SPTA1: variants seen among roughly 807,000 people sequenced by gnomAD.
The protein encoded by SPTA1 is spectrin alpha chain, erythrocytic 1.
In SPTA1, 177 loss-of-function variants were observed where a neutral mutation model predicts 324.7. The observed-to-expected ratio is 0.55, with a 90% CI of 0.48 to 0.62. The LOEUF is 0.62. Ranked by LOEUF, SPTA1 falls within the 20% of genes least tolerant of loss-of-function variation. The pLI is 0.00. For synonymous variants in SPTA1, 1,195 were observed against 1,041.3 expected, an observed-to-expected ratio of 1.15 and a Z score of -2.84; for missense variants, 3,162 against 2,883.6, an observed-to-expected ratio of 1.10 and a Z score of -2.21.
chr1:158,614,055 AT>A (rs377489255), intron 49 of SPTA1, among the ~76,000 whole-genome samples, 188 bp from the exon 50 acceptor site: 5 of 152,208 alleles, frequency 3.3e-5, no homozygotes, highest in African/African-American at 1.2e-4. Flanking sequence ...AGAGAAAAGC[AT>A]AAAACATTGA....
chr1:158,639,504 G>T, intron 35 of SPTA1, 78 bp downstream of exon 35: 2 of 1,439,534 alleles, frequency 1.4e-6, no homozygotes, highest in Non-Finnish European at 2.0e-6. Context: ...GTTTTCAAAT[G>T]GTCTCCTAAC....
intron 5 of SPTA1, among the ~76,000 whole-genome samples, chr1:158,679,873 A>G (rs956752200): frequency 5.3e-5 from 8 of 152,122 alleles, no homozygotes; most frequent in Non-Finnish European, 1.0e-4. Context: ...AAATAGGAAA[A>G]CATAGGTTAT....
At chr1:158,648,303 A>C (rs1652148055) in intron 26 of SPTA1, among the ~76,000 whole-genome samples, 1 of 152,166 alleles carries the variant, frequency 6.6e-6, no homozygotes, top group Non-Finnish European at 1.5e-5. Flanking sequence ...CAGGAGTTTA[A>C]CAAGTTTTTT....
At chr1:158,666,047 G>A (rs1212368931) in intron 16 of SPTA1, among the ~76,000 whole-genome samples, 1 of 152,044 alleles carries the variant, frequency 6.6e-6, no homozygotes, top group Non-Finnish European at 1.5e-5. Flanking sequence ...TAGATTGGAG[G>A]AGATTTTGGG....
intron 38 of SPTA1, among the ~76,000 whole-genome samples, chr1:158,635,556 C>T (rs746011055): frequency 6.6e-6 from 1 of 152,110 alleles, no homozygotes; most frequent in Admixed American, 6.6e-5. Context: ...AAAAATAATT[C>T]TTCGTCCTTA....
chr1:158,685,014 A>T, intron 2 of SPTA1, 94 bp downstream of exon 2: 1 of 1,446,090 alleles, frequency 6.9e-7, no homozygotes, highest in Non-Finnish European at 9.7e-7. Flanking sequence ...AATTGTACCC[A>T]CACATACCCA....
In SPTA1 at chr1:158,623,016, C is replaced by T. The variant is rs1425720466; in HGVS notation, c.6087G>A (p.Gln2029=). The T allele has an allele frequency of 6.2e-7, 1 of 1,614,072 alleles. No homozygotes were observed. The highest frequency in any genetic ancestry group is 8.5e-7 in the Non-Finnish European group (1 of 1,180,028). Residue 2029 remains glutamine (Q), a synonymous_variant, in exon 43 of 52, where the codon CAG becomes CAA. Transcript: ENST00000643759. ...GAGGCAGCTGTTTCTCCAGCAATTT[C>T]TGTCTGTGGACTGCCGAGGCTTCCA... ...QLLEASAVHR[Q]KLLEKQLPLQ...
At chr1:158,640,856 T>C (rs1048939895) in intron 33 of SPTA1, among the ~76,000 whole-genome samples, 27 of 152,084 alleles carry the variant, frequency 1.8e-4, no homozygotes, top group African/African-American at 6.5e-4. Flanking sequence ...GCCAAGTCAA[T>C]CCTAAGGCAA....
chr1:158,622,866 T>G lies in SPTA1; in HGVS notation c.6120+117A>C, dbSNP rs1667458543. The G allele has an allele frequency of 1.0e-5, 10 of 978,614 alleles. No homozygotes were observed. The Admixed American group carries it at 1.6e-4, about 16-fold the overall frequency. The allele number at this position is 978,614 out of a possible 1,614,324, so 60.6% of individuals were successfully genotyped here. ...AGTAAGAATGTCTTCCCAACATCTTTCAATGCAATAAAAGGTTTTTGTATT... is the reference window on the plus strand; with the variant it reads ...AGTAAGAATGTCTTCCCAACATCTTGCAATGCAATAAAAGGTTTTTGTATT... On this transcript the variant is annotated intron_variant, in intron 43 of 51. Transcript: ENST00000643759.
Position 158,683,844 on chromosome 1 carries a change from TAA to T in SPTA1, c.265-350_265-349del, listed in dbSNP as rs35392691. On this transcript the variant is annotated intron_variant, in intron 2 of 51. Coordinates refer to ENST00000643759, the MANE Select transcript of SPTA1 (RefSeq NM_003126.4). Reference sequence around the variant, plus strand: ...AGATGATAGTTATAATAATGGTTTTTAAAAAAAAAAATTGAGAGTTTTTTTTG... The same window carrying T: ...AGATGATAGTTATAATAATGGTTTTTAAAAAAAAATTGAGAGTTTTTTTTG... Among the ~76,000 whole-genome samples, 117 of 150,860 alleles carry T rather than the reference TAA, an allele frequency of 7.8e-4. No individual in the cohort carries two copies. The Middle Eastern group carries it at 0.01, about 13-fold the overall frequency.
chr1:158,625,979 TGAGA>T (rs927155058), intron 42 of SPTA1, among the ~76,000 whole-genome samples, 163 bp downstream of exon 42: 2 of 151,786 alleles, frequency 1.3e-5, no homozygotes, highest in African/African-American at 4.8e-5. Flanking sequence ...GCAAGATTCA[TGAGA>T]GAGAGGGAAA....
chr1:158,619,216 G>A lies in SPTA1; in HGVS notation c.6530+6C>T. On this transcript the variant is annotated splice_donor_region_variant and intron_variant, in intron 45 of 51. Coordinates refer to ENST00000643759, the MANE Select transcript of SPTA1 (RefSeq NM_003126.4). ...GGGTCATGGTTTGGGATGTAGCATA[G>A]CACACCTGGTTTCCAGGATCCATTG... The A allele has an allele frequency of 6.2e-7, 1 of 1,612,802 alleles. No individual in the cohort carries two copies. Among genetic ancestry groups the A allele is most frequent in the Non-Finnish European group, 8.5e-7 (1 of 1,178,834 alleles).
At chr1:158,644,612 G>A (rs1651856701) in intron 29 of SPTA1, among the ~76,000 whole-genome samples, 1 of 152,066 alleles carries the variant, frequency 6.6e-6, no homozygotes, top group Non-Finnish European at 1.5e-5. Flanking sequence ...CCAATTCCTG[G>A]GGTGCTATTT....
At chr1:158,626,729 A>G in intron 41 of SPTA1, 110 bp downstream of exon 41, 1 of 1,413,368 alleles carries the variant, frequency 7.1e-7, no homozygotes, top group Non-Finnish European at 1.0e-6. Flanking sequence ...ATGGGTAGTG[A>G]TGGAAACACC....
intron 7 of SPTA1, among the ~76,000 whole-genome samples, chr1:158,677,126 G>A (rs1013986216): frequency 2.0e-5 from 3 of 152,120 alleles, no homozygotes; most frequent in Admixed American, 6.6e-5. Context: ...CATTTGTGAG[G>A]GGAAGAAGTA....
intron 39 of SPTA1, among the ~76,000 whole-genome samples, chr1:158,633,942 T>A (rs1051075412): frequency 2.6e-5 from 4 of 152,184 alleles, no homozygotes; most frequent in African/African-American, 9.7e-5. Context: ...ATTTTTAGGG[T>A]TACTAGGCAC....
intron 45 of SPTA1, among the ~76,000 whole-genome samples, chr1:158,618,776 G>A (rs1241263618): frequency 6.6e-6 from 1 of 152,150 alleles, no homozygotes; most frequent in African/African-American, 2.4e-5. Flanking sequence ...GTGACCTTGA[G>A]CAAGTAAATT....
chr1:158,653,454 C>A, intron 21 of SPTA1, 29 bp from the exon 22 acceptor site: 1 of 1,613,284 alleles, frequency 6.2e-7, no homozygotes, highest in South Asian at 1.1e-5. Context: ...CCCACTCCGT[C>A]ATTAATTCTT....
rs550746037 is a variant in SPTA1, at chr1:158,651,920, T to C, written c.3376-452A>G. Among the ~76,000 whole-genome samples the C allele has an allele frequency of 6.6e-5, 10 of 151,894 alleles. No individual in the cohort carries two copies. The East Asian group carries it at 1.9e-3, about 29-fold the overall frequency. On this transcript the variant is annotated intron_variant, in intron 23 of 51. Coordinates refer to ENST00000643759, the MANE Select transcript of SPTA1 (RefSeq NM_003126.4). ...CTCTCTCTCTCTCTCTGTGTGTGTGTGTGCGCGTGTGTGTGTGTTAAATCC... is the reference window on the plus strand; with the variant it reads ...CTCTCTCTCTCTCTCTGTGTGTGTGCGTGCGCGTGTGTGTGTGTTAAATCC...
Sources: allele counts gnomAD v4.1 joint callset (sites outside exome capture counted in the v4.1 genomes callset), GRCh38; gene constraint gnomAD v4.1.1; transcripts MANE v1.5; gene names NCBI Gene and HGNC (gene_info 2026-07-23, HGNC 2026-07-21).